ABLIM3: variants seen among roughly 807,000 people sequenced by gnomAD.
ABLIM3 encodes the protein actin-binding LIM protein 3.
Under a neutral mutation model 109.5 loss-of-function variants are expected in ABLIM3, and 61 were observed. That is an observed-to-expected ratio of 0.56 (90% CI 0.45 to 0.69). The LOEUF (loss-of-function observed/expected upper bound fraction) is 0.69. Among genes scored for constraint, ABLIM3 ranks in the 30% least tolerant of loss-of-function variants. The pLI, the probability that ABLIM3 is intolerant of heterozygous loss-of-function variation, is 0.00. For missense variants in ABLIM3, 796 were observed against 889.5 expected (o/e 0.89, Z 1.34); for synonymous variants, 300 against 324.8 (o/e 0.92, Z 0.82).
intron 8 of ABLIM3, among the ~76,000 whole-genome samples, chr5:149,228,040 G>T (rs1761492939): frequency 6.6e-6 from 1 of 152,060 alleles, no homozygotes; most frequent in Non-Finnish European, 1.5e-5. Context: ...AAGGATTTGG[G>T]GGCTGGTAAA....
chr5:149,229,786 T>C (rs1455006146), intron 8 of ABLIM3, among the ~76,000 whole-genome samples: 1 of 152,252 alleles, frequency 6.6e-6, no homozygotes, highest in Non-Finnish European at 1.5e-5. Flanking sequence ...GAATGTGTCA[T>C]ATTTGGGGCT....
At chr5:149,252,934 G>C in intron 23 of ABLIM3, 97 bp downstream of exon 23, 1 of 908,552 alleles carries the variant, frequency 1.1e-6, no homozygotes, top group South Asian at 1.4e-5. Flanking sequence ...GGAATGAGTG[G>C]CTTTAAGATC....
intron 7 of ABLIM3, among the ~76,000 whole-genome samples, chr5:149,213,074 C>T (rs981582018): frequency 6.6e-6 from 1 of 152,154 alleles, no homozygotes; most frequent in South Asian, 2.1e-4. Flanking sequence ...GATTGCACCA[C>T]TACACTCCCG....
At chr5:149,251,719 G>T (rs1753945875) in intron 21 of ABLIM3, among the ~76,000 whole-genome samples, 1 of 152,184 alleles carries the variant, frequency 6.6e-6, no homozygotes, top group African/African-American at 2.4e-5. Flanking sequence ...TTGCCTGCCA[G>T]CCCCAGTGGA....
chr5:149,258,275 G>T lies in ABLIM3; in HGVS notation c.1939-16G>T, dbSNP rs1342317129. The T allele has an allele frequency of 8.8e-6, 14 of 1,598,186 alleles. No homozygotes were observed. In the Admixed American group the frequency reaches 1.2e-4, roughly 14 times the overall value. ...TTTCTCTGTCCCCCCACCCCCGCCTGCCCTGCCTCCTTCAGCGCCACCTGT... is the reference window on the plus strand; with the variant it reads ...TTTCTCTGTCCCCCCACCCCCGCCTTCCCTGCCTCCTTCAGCGCCACCTGT... On this transcript the variant is annotated splice_polypyrimidine_tract_variant and intron_variant, in intron 23 of 23. Coordinates refer to ENST00000309868, the MANE Select transcript of ABLIM3 (RefSeq NM_014945.5).
At chr5:149,142,396 G>A (rs1450381779) in intron 2 of ABLIM3, among the ~76,000 whole-genome samples, 1 of 152,208 alleles carries the variant, frequency 6.6e-6, no homozygotes, top group Non-Finnish European at 1.5e-5. Context: ...GAAGCAGTGT[G>A]TGGCCATTGT....
chr5:149,257,919 G>C (rs1369542788), intron 23 of ABLIM3, among the ~76,000 whole-genome samples: 1 of 152,162 alleles, frequency 6.6e-6, no homozygotes, highest in Non-Finnish European at 1.5e-5. Context: ...TCTCAACGGG[G>C]AGTGGGATAA....
At chr5:149,220,864 C>T (rs1348220511) in intron 8 of ABLIM3, 1 of 152,320 alleles carries the variant, frequency 6.6e-6, no homozygotes. Context: ...CGCTATGTGC[C>T]AGGCTCTCTG....
At chr5:149,151,077 A>T (rs1409901993) in intron 2 of ABLIM3, among the ~76,000 whole-genome samples, 1 of 152,218 alleles carries the variant, frequency 6.6e-6, no homozygotes, top group African/African-American at 2.4e-5. Context: ...TAAACAACAG[A>T]AATGTATTGT....
intron 3 of ABLIM3, among the ~76,000 whole-genome samples, chr5:149,185,076 G>A (rs1313866875): frequency 1.3e-5 from 2 of 152,140 alleles, no homozygotes; most frequent in South Asian, 4.1e-4. Context: ...AAGTGGTAAA[G>A]GATATAATTA....
chr5:149,239,687 T>C, intron 12 of ABLIM3, 72 bp from the exon 13 acceptor site: 1 of 1,504,436 alleles, frequency 6.6e-7, no homozygotes, highest in Non-Finnish European at 8.9e-7. Context: ...CATGCCCACC[T>C]GCCTGCTAGA....
intron 3 of ABLIM3, among the ~76,000 whole-genome samples, chr5:149,187,991 G>A (rs116781299): frequency 1.1e-3 from 166 of 152,182 alleles, no homozygotes; most frequent in Middle Eastern, 3.4e-3. Context: ...AGGGCGCACC[G>A]TTCTATAGTA....
intron 19 of ABLIM3, 77 bp from the exon 20 acceptor site, chr5:149,250,370 T>C (rs1335273933): frequency 6.8e-7 from 1 of 1,476,936 alleles, no homozygotes; most frequent in Non-Finnish European, 9.5e-7. Flanking sequence ...GTGTTGGCCA[T>C]TGGTAGCCAG....
At chr5:149,161,865 T>TTGTG (rs148821120) in intron 2 of ABLIM3, among the ~76,000 whole-genome samples, 2 of 151,370 alleles carry the variant, frequency 1.3e-5, no homozygotes, top group African/African-American at 4.8e-5. Context: ...GGGGTCTACT[T>TTGTG]TGTGTGTGTG....
chr5:149,259,784 A>C lies in ABLIM3; in HGVS notation c.*1380A>C, dbSNP rs1328648110. 1 of 607,708 alleles carries C rather than the reference A, an allele frequency of 1.6e-6. No individual in the cohort carries two copies. Among genetic ancestry groups the C allele is most frequent in the Admixed American group, 3.0e-5 (1 of 33,792 alleles). 37.6% of individuals were successfully genotyped at this position (607,708 alleles called of 1,614,324 possible). ...CGGACCATTTTGAGATCATGGAGGA[A>C]GGATGAAGAAGTGAAAATGACAATA... is the stretch of plus-strand genomic sequence containing the variant. On this transcript the variant is annotated 3_prime_UTR_variant, in exon 24 of 24. Coordinates refer to ENST00000309868, the MANE Select transcript of ABLIM3 (RefSeq NM_014945.5).
At chr5:149,219,762 G>T (rs1760456867) in intron 8 of ABLIM3, 1 of 152,222 alleles carries the variant, frequency 6.6e-6, no homozygotes, top group Non-Finnish European at 1.5e-5. Flanking sequence ...TGGGAACCTG[G>T]AGTTTGCACT....
intron 2 of ABLIM3, among the ~76,000 whole-genome samples, chr5:149,163,520 T>C (rs1355019231): frequency 1.3e-5 from 2 of 152,094 alleles, no homozygotes; most frequent in East Asian, 1.9e-4. Flanking sequence ...GCAAGGTTGG[T>C]TTCTTCTGAG....
At chr5:149,147,278 G>T (rs1753021698) in intron 2 of ABLIM3, among the ~76,000 whole-genome samples, 1 of 152,016 alleles carries the variant, frequency 6.6e-6, no homozygotes, top group African/African-American at 2.4e-5. Flanking sequence ...TCATGAAGGG[G>T]TGTTGGATTT....
chr5:149,141,964 C>T, intron 1 of ABLIM3, 45 bp from the exon 2 acceptor site: 28 of 1,306,928 alleles, frequency 2.1e-5, no homozygotes, highest in Non-Finnish European at 2.5e-5. Context: ...AGAGAGAGCA[C>T]CTGAGGATAC....
Sources: allele counts gnomAD v4.1 joint callset (sites outside exome capture counted in the v4.1 genomes callset), GRCh38; gene constraint gnomAD v4.1.1; transcripts MANE v1.5; gene names NCBI Gene and HGNC (gene_info 2026-07-23, HGNC 2026-07-21).